The following CNTNAP2 variants were observed in gnomAD, a reference collection of about 807,000 sequenced individuals.
CNTNAP2 encodes contactin-associated protein-like 2.
In CNTNAP2, 98 loss-of-function variants were observed where a neutral mutation model predicts 155.2. The ratio of observed to expected loss-of-function variants is 0.63; its 90% CI spans 0.54 to 0.75. The LOEUF is 0.75. CNTNAP2 is among the 30% of genes least tolerant of loss of function. The pLI, the probability that CNTNAP2 is intolerant of heterozygous loss-of-function variation, is 0.00. For missense variants in CNTNAP2, 1,727 were observed against 1,688.1 expected (o/e 1.02, Z -0.40); for synonymous variants, 651 against 631.2 (o/e 1.03, Z -0.47).
At position 146,247,507 on chromosome 7, in the gene CNTNAP2, G is replaced by A. The variant is rs533264239; in HGVS notation, c.97+130534G>A. On this transcript the variant is annotated intron_variant, in intron 1 of 23. Coordinates refer to ENST00000361727, the MANE Select transcript of CNTNAP2 (RefSeq NM_014141.6). ...CTTGGGGTTGGGACTGAGGGGACAG[G>A]TGGGAGGGAAAGAAGGAAGATTTGG... 3.2e-4 allele frequency among the ~76,000 whole-genome samples: 49 copies of A among 152,254 alleles called. 1 individual carries two copies. The South Asian group carries it at 7.7e-3, about 24-fold the overall frequency.
intron 4 of CNTNAP2, among the ~76,000 whole-genome samples, chr7:147,087,734 T>C (rs954394139): frequency 1.3e-5 from 2 of 152,154 alleles, no homozygotes; most frequent in Non-Finnish European, 2.9e-5. Context: ...CCCAGCACTT[T>C]GGGAGGCCAA....
chr7:146,670,115 T>A (rs1227182218), intron 1 of CNTNAP2, among the ~76,000 whole-genome samples: 1 of 152,224 alleles, frequency 6.6e-6, no homozygotes, highest in African/African-American at 2.4e-5. Flanking sequence ...TTGTTTCTTT[T>A]TAAGAAGCTA....
intron 17 of CNTNAP2, among the ~76,000 whole-genome samples, chr7:148,169,805 C>T (rs372831399): frequency 6.6e-6 from 1 of 152,180 alleles, no homozygotes; most frequent in East Asian, 1.9e-4. Flanking sequence ...ACTAAAAATA[C>T]AAAAATTAGC....
intron 12 of CNTNAP2, among the ~76,000 whole-genome samples, chr7:147,607,847 T>C (rs988474137): frequency 6.6e-6 from 1 of 152,242 alleles, no homozygotes; most frequent in African/African-American, 2.4e-5. Context: ...ATAAAAATTT[T>C]ACAAAGTTAA....
chr7:148,235,262 A>T (rs1796023770), intron 20 of CNTNAP2, among the ~76,000 whole-genome samples: 1 of 152,248 alleles, frequency 6.6e-6, no homozygotes, highest in South Asian at 2.1e-4. Context: ...TAGGTCCTGT[A>T]TATAAATCTT....
chr7:147,446,564 C>T (rs2116559873), intron 10 of CNTNAP2, among the ~76,000 whole-genome samples: 1 of 152,192 alleles, frequency 6.6e-6, no homozygotes, highest in Middle Eastern at 3.4e-3. Flanking sequence ...TGTTTACAAC[C>T]ACGACTGCGA....
At chr7:147,723,659 A>G (rs945163675) in intron 13 of CNTNAP2, among the ~76,000 whole-genome samples, 3 of 151,930 alleles carry the variant, frequency 2.0e-5, no homozygotes, top group African/African-American at 7.2e-5. Flanking sequence ...AATAGTAACC[A>G]TCTTTCAAAT....
intron 3 of CNTNAP2, among the ~76,000 whole-genome samples, chr7:146,998,689 C>G (rs1798357356): frequency 6.6e-6 from 1 of 151,906 alleles, no homozygotes; most frequent in African/African-American, 2.4e-5. Flanking sequence ...TTAATATTTA[C>G]TTTATATATT....
chr7:147,609,947 T>G (rs994453535), intron 12 of CNTNAP2, among the ~76,000 whole-genome samples: 2 of 152,094 alleles, frequency 1.3e-5, no homozygotes, highest in African/African-American at 2.4e-5. Flanking sequence ...AGTGCAGGGT[T>G]CACCTCCAGG....
chr7:147,939,419 C>G (rs1472832238), intron 14 of CNTNAP2, among the ~76,000 whole-genome samples: 1 of 152,016 alleles, frequency 6.6e-6, no homozygotes, highest in African/African-American at 2.4e-5. Context: ...ACCTCTGCCT[C>G]CCGGGTTCAA....
At chr7:148,317,983 G>T (rs1797721371) in intron 21 of CNTNAP2, among the ~76,000 whole-genome samples, 1 of 152,178 alleles carries the variant, frequency 6.6e-6, no homozygotes, top group Non-Finnish European at 1.5e-5. Context: ...GCCCGGCCCT[G>T]CCCTGAGCTC....
intron 14 of CNTNAP2, among the ~76,000 whole-genome samples, chr7:147,968,090 G>A (rs1232853234): frequency 3.3e-5 from 5 of 152,000 alleles, no homozygotes; most frequent in East Asian, 3.9e-4. Context: ...ACGTGGAGCC[G>A]GCCACTTTTA....
chr7:146,578,480 T>G (rs1798559608), intron 1 of CNTNAP2, among the ~76,000 whole-genome samples: 1 of 152,158 alleles, frequency 6.6e-6, no homozygotes, highest in Admixed American at 6.6e-5. Flanking sequence ...TGCTGTTTAT[T>G]TTTCAAATGA....
At chr7:146,504,897 C>A (rs1362674401) in intron 1 of CNTNAP2, among the ~76,000 whole-genome samples, 2 of 152,170 alleles carry the variant, frequency 1.3e-5, no homozygotes, top group Non-Finnish European at 2.9e-5. Context: ...TCCATCACAC[C>A]TTTGGTGTGG....
At chr7:147,440,340 A>C (rs1161931278) in intron 10 of CNTNAP2, among the ~76,000 whole-genome samples, 2 of 152,112 alleles carry the variant, frequency 1.3e-5, no homozygotes, top group Non-Finnish European at 2.9e-5. Context: ...AGCAAGCAAA[A>C]GGAAAACTAA....
intron 18 of CNTNAP2, among the ~76,000 whole-genome samples, chr7:148,210,583 G>A (rs966488706): frequency 4.6e-5 from 7 of 152,188 alleles, no homozygotes; most frequent in Admixed American, 1.3e-4. Flanking sequence ...TGGGCCACAC[G>A]TGCCACTCAG....
At chr7:146,153,006 T>G (rs1304897868) in intron 1 of CNTNAP2, among the ~76,000 whole-genome samples, 1 of 152,188 alleles carries the variant, frequency 6.6e-6, no homozygotes, top group African/African-American at 2.4e-5. Flanking sequence ...TTCTTTGGCG[T>G]AAGTCACCTT....
intron 3 of CNTNAP2, among the ~76,000 whole-genome samples, chr7:146,927,051 G>T (rs1055717122): frequency 6.6e-6 from 1 of 152,116 alleles, no homozygotes; most frequent in Non-Finnish European, 1.5e-5. Context: ...CTGGGTCTTT[G>T]CTTAATGAGA....
At chr7:147,208,739 A>G (rs1032146260) in intron 8 of CNTNAP2, among the ~76,000 whole-genome samples, 1 of 152,052 alleles carries the variant, frequency 6.6e-6, no homozygotes, top group African/African-American at 2.4e-5. Flanking sequence ...GTGTATGATT[A>G]TGAAGGGCAT....
Sources: gnomAD v4.1 joint callset for allele counts (sites outside exome capture counted in the v4.1 genomes callset) on GRCh38, gnomAD v4.1.1 for gene constraint, MANE v1.5 for transcripts, NCBI Gene and HGNC (gene_info 2026-07-23, HGNC 2026-07-21) for gene names.